Variants in CACNB2 observed in about 807,000 individuals in gnomAD.
CACNB2 encodes the protein calcium voltage-gated channel auxiliary subunit beta 2.
Under a neutral mutation model 73.3 loss-of-function variants are expected in CACNB2, and 42 were observed. The ratio of observed to expected loss-of-function variants is 0.57; its 90% confidence interval spans 0.45 to 0.74. The LOEUF (loss-of-function observed/expected upper bound fraction) is 0.74. Ranked by LOEUF, CACNB2 falls within the 30% of genes least tolerant of loss-of-function variation. CACNB2 has a pLI of 0.00. For missense variants in CACNB2, 940 were observed against 853.0 expected (o/e 1.10, Z -1.27); for synonymous variants, 348 against 310.3 (o/e 1.12, Z -1.28).
chr10:18,260,850 G>A lies in CACNB2; in HGVS notation c.213+109875G>A, dbSNP rs933372077. ...TTCAAAAGCAGAGTACTGCAGGGTC[G>A]CGAAATGCAAGACACTCAGATGTTT... On this transcript the variant is annotated intron_variant, in intron 2 of 13. Transcript: ENST00000324631. 14 of 1,067,948 alleles carry A rather than the reference G, an allele frequency of 1.3e-5. No individual in the cohort carries two copies. The East Asian group carries it at 4.4e-4, about 33-fold the overall frequency. The allele number at this position is 1,067,948 out of a possible 1,614,324, so 66.2% of individuals were successfully genotyped here. A position where few individuals can be genotyped will look rare whatever the true frequency, so the allele number is the denominator to read the frequency against.
At chr10:18,141,204 C>A in intron 1 of CACNB2, 2 of 839,380 alleles carry the variant, frequency 2.4e-6, no homozygotes, top group African/African-American at 1.8e-5. Context: ...TGGACTGGAC[C>A]TGCTGAAGAT....
chr10:18,402,938 T>A (rs2044084940), intron 3 of CACNB2, among the ~76,000 whole-genome samples: 1 of 152,134 alleles, frequency 6.6e-6, no homozygotes, highest in African/African-American at 2.4e-5. Context: ...CTGAGATGAG[T>A]AAAATCTATG....
chr10:18,225,955 A>G (rs778857247), intron 2 of CACNB2, among the ~76,000 whole-genome samples: 1 of 152,002 alleles, frequency 6.6e-6, no homozygotes, highest in Non-Finnish European at 1.5e-5. Flanking sequence ...TTCAAATATT[A>G]AAGACATGTT....
chr10:18,409,954 C>A, intron 3 of CACNB2, among the ~76,000 whole-genome samples: 1 of 152,114 alleles, frequency 6.6e-6, no homozygotes, highest in East Asian at 1.9e-4. Context: ...CCTGGTCATC[C>A]TCTCCAGAGA....
At chr10:18,504,703 G>A (rs1014789149) in intron 5 of CACNB2, among the ~76,000 whole-genome samples, 1 of 152,084 alleles carries the variant, frequency 6.6e-6, no homozygotes, top group Non-Finnish European at 1.5e-5. Flanking sequence ...GGAGTGCAGT[G>A]GCGCAGTCTC....
chr10:18,149,395 C>T (rs2031306222), intron 1 of CACNB2, among the ~76,000 whole-genome samples: 1 of 152,172 alleles, frequency 6.6e-6, no homozygotes, highest in Non-Finnish European at 1.5e-5. Context: ...TTATGAAAGA[C>T]CAGCGTAGCT....
chr10:18,438,096 C>A (rs2046232958), intron 3 of CACNB2, among the ~76,000 whole-genome samples: 1 of 134,602 alleles, frequency 7.4e-6, no homozygotes, highest in Non-Finnish European at 1.5e-5. Flanking sequence ...CGGTTTACTG[C>A]AAGCTCCGCC....
chr10:18,381,988 A>G (rs764562934), intron 2 of CACNB2, among the ~76,000 whole-genome samples: 133 of 152,046 alleles, frequency 8.7e-4, no homozygotes, highest in Non-Finnish European at 1.6e-3. Flanking sequence ...CAAAAGCATA[A>G]CTTGAGAAGG....
intron 6 of CACNB2, among the ~76,000 whole-genome samples, chr10:18,512,487 T>A (rs1185682173): frequency 6.6e-6 from 1 of 152,224 alleles, no homozygotes; most frequent in Non-Finnish European, 1.5e-5. Flanking sequence ...TCTGTTGCAA[T>A]TTTAGGGAAA....
At position 18,220,232 on chromosome 10, in the gene CACNB2, TAGAGAGAGAG is replaced by T. The variant is rs1169176468; in HGVS notation, c.213+69291_213+69300del. On this transcript the variant is annotated intron_variant, in intron 2 of 13. Transcript: ENST00000324631. ...ATATATATATATATATATATATATA[TAGAGAGAGAG>T]AGAGAGAGAGAGAGAGAGAGAGAGA... Among the ~76,000 whole-genome samples, 95 of 25,072 alleles carry T rather than the reference TAGAGAGAGAG, an allele frequency of 3.8e-3. 2 individuals are homozygous for T. Among genetic ancestry groups the T allele is most frequent in the African/African-American group, 7.3e-3 (30 of 4,096 alleles). 16.4% of individuals were successfully genotyped at this position (25,072 alleles called of 152,430 possible).
At chr10:18,477,042 T>C (rs916729848) in intron 3 of CACNB2, among the ~76,000 whole-genome samples, 6 of 151,748 alleles carry the variant, frequency 4.0e-5, no homozygotes, top group African/African-American at 1.5e-4. Flanking sequence ...AATACAGTTC[T>C]CATCTGCCAC....
intron 10 of CACNB2, chr10:18,533,407 G>A (rs2053256716): frequency 6.6e-6 from 1 of 152,622 alleles, no homozygotes; most frequent in Non-Finnish European, 1.5e-5. Context: ...CAGATGAACT[G>A]AATGCCATTT....
chr10:18,264,026 T>A (rs551266861), intron 2 of CACNB2, among the ~76,000 whole-genome samples: 1 of 152,332 alleles, frequency 6.6e-6, no homozygotes, highest in Admixed American at 6.5e-5. Flanking sequence ...GACATGAAAA[T>A]CTGTGAGCTG....
chr10:18,428,746 C>T (rs1467774969), intron 3 of CACNB2, among the ~76,000 whole-genome samples: 1 of 151,556 alleles, frequency 6.6e-6, no homozygotes, highest in Non-Finnish European at 1.5e-5. Flanking sequence ...GGTTTTTACC[C>T]TTTATTAGTT....
intron 2 of CACNB2, among the ~76,000 whole-genome samples, chr10:18,228,454 AAAAAAAAGAAAAG>A (rs2036099371): frequency 6.6e-6 from 1 of 150,748 alleles, no homozygotes; most frequent in African/African-American, 2.4e-5. Flanking sequence ...AAAAAAGAAA[AAAAAAAAGAAAAG>A]AAAAAACATA....
intron 2 of CACNB2, among the ~76,000 whole-genome samples, chr10:18,312,973 C>A (rs555103657): frequency 7.2e-5 from 11 of 152,232 alleles, no homozygotes. Context: ...GATTGTTTTT[C>A]TGTGCTAATA....
At chr10:18,176,493 T>A (rs2033597750) in intron 2 of CACNB2, among the ~76,000 whole-genome samples, 1 of 151,726 alleles carries the variant, frequency 6.6e-6, no homozygotes, top group South Asian at 2.1e-4. Flanking sequence ...CCTCCAACAG[T>A]GGGGATGGGA....
chr10:18,414,186 G>A (rs1382582961), intron 3 of CACNB2, among the ~76,000 whole-genome samples: 1 of 152,192 alleles, frequency 6.6e-6, no homozygotes, highest in Non-Finnish European at 1.5e-5. Flanking sequence ...AGTGACGAAG[G>A]CATGGGCCTT....
chr10:18,358,006 A>G (rs1589131097), intron 2 of CACNB2, among the ~76,000 whole-genome samples: 1 of 152,202 alleles, frequency 6.6e-6, no homozygotes, highest in African/African-American at 2.4e-5. Context: ...GTCGCAGTGC[A>G]TGGCAAATAT....
Sources: gnomAD v4.1 joint callset for allele counts (sites outside exome capture counted in the v4.1 genomes callset) on GRCh38, gnomAD v4.1.1 for gene constraint, MANE v1.5 for transcripts, NCBI Gene and HGNC (gene_info 2026-07-23, HGNC 2026-07-21) for gene names.